SF3A3: variants seen among roughly 807,000 people sequenced by gnomAD.
SF3A3 encodes SAP 61.
SF3A3 carries 9 observed loss-of-function variants against 85.8 expected under a neutral mutation model. The ratio of observed to expected loss-of-function variants is 0.10; its 90% CI spans 0.06 to 0.18. The LOEUF is 0.18. Ranked by LOEUF, SF3A3 falls within the 10% of genes least tolerant of loss-of-function variation. SF3A3 has a pLI of 1.00. For missense variants in SF3A3, 306 were observed against 593.3 expected (o/e 0.52, Z 5.03); for synonymous variants, 195 against 204.4 (o/e 0.95, Z 0.39).
chr1:37,969,667 T>C lies in SF3A3; in HGVS notation c.1074A>G (p.Glu358=). Residue 358 remains glutamate (E), a synonymous_variant, in exon 13 of 17, where the codon GAA becomes GAG. Coordinates refer to ENST00000373019, the MANE Select transcript of SF3A3 (RefSeq NM_006802.4). ...TCTCACTGATCTGCTCTTCTTCCTCTTCTTCTCGCTCTTCTCCTGTCCTGG... is the reference window on the plus strand; with the variant it reads ...TCTCACTGATCTGCTCTTCTTCCTCCTCTTCTCGCTCTTCTCCTGTCCTGG... ...KQARTGEERE[E]EEEEQISESE... The C allele has an allele frequency of 6.2e-7, 1 of 1,614,126 alleles. No homozygotes were observed. The highest frequency in any genetic ancestry group is 8.5e-7 in the Non-Finnish European group (1 of 1,179,924).
At chr1:37,960,259 T>C (rs1162009043) in intron 15 of SF3A3, 84 bp from the exon 16 acceptor site, 1 of 1,278,950 alleles carries the variant, frequency 7.8e-7, no homozygotes, top group African/African-American at 1.5e-5. Context: ...TCCCTGCCAT[T>C]AGGATGCTCC....
At chr1:37,981,480 TATA>T (rs777396980) in intron 7 of SF3A3, among the ~76,000 whole-genome samples, 6 of 152,210 alleles carry the variant, frequency 3.9e-5, no homozygotes, top group Non-Finnish European at 7.3e-5. Flanking sequence ...GAGTTCCTTC[TATA>T]ATGAGACAAA....
rs745427043 is a variant in SF3A3 at position 37,980,692 on chromosome 1, T to C, written c.584A>G (p.Asp195Gly). ...GAGAGGCTTCACTCTATCTGTGTAATCCTGAAGGTACTCAAGCAGCATCTC... is the reference window on the plus strand; with the variant it reads ...GAGAGGCTTCACTCTATCTGTGTAACCCTGAAGGTACTCAAGCAGCATCTC... ...YLEMLLEYLQ[D>G]YTDRVKPLQD... The change falls in exon 8 of 17, where the codon GAT becomes GGT. Residue 195 changes from aspartate (D) to glycine (G), a missense_variant. Around this residue, in one of 4 missense-constraint regions of SF3A3, gnomAD observed 136 missense variants for 296.6 expected, o/e 0.46. Transcript: ENST00000373019. 3.1e-6 allele frequency: 5 copies of C among 1,613,774 alleles called. No individual in the cohort carries two copies. In the African/African-American group the frequency reaches 4.0e-5, roughly 13 times the overall value.
rs773142436 is a variant in SF3A3 at position 37,978,761 on chromosome 1, G to C, written c.894C>G (p.Thr298=). Residue 298 remains threonine (T), a synonymous_variant, in exon 11 of 17, where the codon ACC becomes ACG. Transcript: ENST00000373019. Reference sequence around the variant, plus strand: ...ACTTGGGATTTTTGGCAAACAAAGAGGTATCAAGTGACTCCAGGGACTTTC... The same window carrying C: ...ACTTGGGATTTTTGGCAAACAAAGACGTATCAAGTGACTCCAGGGACTTTC... The part of the protein sequence containing the change: ...TKGKSLESLD[T]SLFAKNPKSK... 2.0e-5 allele frequency: 32 copies of C among 1,569,812 alleles called. No individual in the cohort carries two copies. Among genetic ancestry groups the C allele is most frequent in the Non-Finnish European group, 2.7e-5 (31 of 1,155,822 alleles).
At chr1:37,966,754 T>C (rs1311545318) in intron 15 of SF3A3, among the ~76,000 whole-genome samples, 10 of 148,622 alleles carry the variant, frequency 6.7e-5, no homozygotes, top group Admixed American at 6.1e-4. Context: ...CTGACCAACA[T>C]GGAGAAACCC....
At chr1:37,967,527 A>C (rs1393748710) in intron 15 of SF3A3, among the ~76,000 whole-genome samples, 1 of 151,500 alleles carries the variant, frequency 6.6e-6, no homozygotes, top group African/African-American at 2.4e-5. Context: ...AAAACACAAA[A>C]AATTAGCCAA....
chr1:37,980,834 T>A, intron 7 of SF3A3, 110 bp from the exon 8 acceptor site: 1 of 700,692 alleles, frequency 1.4e-6, no homozygotes, highest in Non-Finnish European at 2.0e-6. Context: ...GCTATCTTTT[T>A]AATACTCTTT....
rs376209421 is a variant in SF3A3, at chr1:37,981,761, A to T, written c.519T>A (p.Ile173=). Residue 173 remains isoleucine, a synonymous_variant, in exon 7 of 17, where the codon ATT becomes ATA. Transcript: ENST00000373019. Reference sequence around the variant, plus strand: ...ACTCTGCATTCTTCCTTTCTTTAGGAATGTCAAATAATTGGTCAAAGATGG... The same window carrying T: ...ACTCTGCATTCTTCCTTTCTTTAGGTATGTCAAATAATTGGTCAAAGATGG... ...YLSIFDQLFD[I]PKERKNAEYK... 3.1e-6 allele frequency: 5 copies of T among 1,595,202 alleles called. No individual in the cohort carries two copies. Among genetic ancestry groups the T allele is most frequent in the Non-Finnish European group, 4.3e-6 (5 of 1,164,112 alleles).
At chr1:37,986,973 G>A (rs1218892546) in intron 4 of SF3A3, among the ~76,000 whole-genome samples, 2 of 152,146 alleles carry the variant, frequency 1.3e-5, no homozygotes, top group Non-Finnish European at 2.9e-5. Flanking sequence ...GGGAGCCATG[G>A]AGCAAAGATT....
chr1:37,982,423 T>G (rs1417987551), intron 6 of SF3A3, among the ~76,000 whole-genome samples: 2 of 151,322 alleles, frequency 1.3e-5, no homozygotes, highest in South Asian at 2.1e-4. Context: ...CAGGCTGGAG[T>G]GCAATGGCAT....
chr1:37,988,098 G>A (rs924299954), intron 2 of SF3A3, among the ~76,000 whole-genome samples: 10 of 152,054 alleles, frequency 6.6e-5, no homozygotes, highest in African/African-American at 2.2e-4. Context: ...ACATTTAAGG[G>A]GTGGCTCCTA....
intron 6 of SF3A3, among the ~76,000 whole-genome samples, chr1:37,982,208 A>G (rs963668110): frequency 2.6e-5 from 4 of 152,160 alleles, no homozygotes; most frequent in Non-Finnish European, 5.9e-5. Context: ...CGGGGTACAG[A>G]AAACAACAAA....
chr1:37,986,508 A>T (rs889858256), intron 4 of SF3A3, among the ~76,000 whole-genome samples: 5 of 152,074 alleles, frequency 3.3e-5, no homozygotes, highest in Middle Eastern at 3.4e-3. Context: ...CCTTATTATA[A>T]GTGAGCTCCA....
chr1:37,965,591 A>C (rs912583898), intron 15 of SF3A3, among the ~76,000 whole-genome samples: 2 of 151,886 alleles, frequency 1.3e-5, no homozygotes, highest in Admixed American at 1.3e-4. Flanking sequence ...CCATCTTTAC[A>C]AAAAATACAA....
At chr1:37,975,030 A>G (rs1646370157) in intron 12 of SF3A3, among the ~76,000 whole-genome samples, 1 of 152,134 alleles carries the variant, frequency 6.6e-6, no homozygotes, top group Non-Finnish European at 1.5e-5. Context: ...GAGTTTCTTA[A>G]GGGCAAGAGG....
intron 12 of SF3A3, among the ~76,000 whole-genome samples, chr1:37,972,361 A>G (rs953282124): frequency 6.8e-6 from 1 of 147,402 alleles, no homozygotes; most frequent in African/African-American, 2.7e-5. Context: ...GAAAGAGGAC[A>G]CAAAGAAATG....
intron 14 of SF3A3, 60 bp from the exon 15 acceptor site, chr1:37,968,194 T>C: frequency 1.0e-6 from 1 of 986,160 alleles, no homozygotes. Flanking sequence ...CACAGAGCAC[T>C]AACTCCATTC....
chr1:37,958,403 T>C (rs1646234751), intron 16 of SF3A3, 140 bp from the exon 17 acceptor site: 1 of 662,696 alleles, frequency 1.5e-6, no homozygotes, highest in African/African-American at 1.8e-5. Context: ...TCTAAGCCTT[T>C]CTCAACTGGG....
At chr1:37,987,866 G>C in intron 2 of SF3A3, 30 bp from the exon 3 acceptor site, 1 of 1,583,506 alleles carries the variant, frequency 6.3e-7, no homozygotes, top group Non-Finnish European at 8.7e-7. Flanking sequence ...CCATCAGAAT[G>C]ATGCAATTTG....
Sources: allele counts gnomAD v4.1 joint callset (sites outside exome capture counted in the v4.1 genomes callset), GRCh38; gene constraint gnomAD v4.1.1; regional missense constraint gnomAD v4.1.1; transcripts MANE v1.5; gene names NCBI Gene and HGNC (gene_info 2026-07-23, HGNC 2026-07-21).